The following ALDH1A2 variants were observed in gnomAD, a reference collection of about 807,000 sequenced individuals.
ALDH1A2 encodes the protein aldehyde dehydrogenase 1 family member A2.
ALDH1A2 carries 27 observed loss-of-function variants against 60.3 expected under a neutral mutation model. That is an observed-to-expected ratio of 0.45 (90% CI 0.33 to 0.62). The LOEUF (loss-of-function observed/expected upper bound fraction) is 0.62, where lower values mean the gene tolerates loss of function less well. Among genes scored for constraint, ALDH1A2 ranks in the 20% least tolerant of loss-of-function variants. ALDH1A2 has a pLI of 0.02. For missense variants in ALDH1A2, 581 were observed against 643.8 expected (o/e 0.90, Z 1.06); for synonymous variants, 289 against 232.4 (o/e 1.24, Z -2.21).
At chr15:57,983,364 T>C (rs1217005818) in intron 7 of ALDH1A2, among the ~76,000 whole-genome samples, 2 of 152,060 alleles carry the variant, frequency 1.3e-5, no homozygotes, top group Non-Finnish European at 2.9e-5. Context: ...ACAGCTAGCA[T>C]TCCTTTCCTC....
At position 58,004,882 on chromosome 15, in the gene ALDH1A2, C is replaced by T. The variant is rs186252973; in HGVS notation, c.493+5767G>A. On this transcript the variant is annotated intron_variant, in intron 4 of 12. Transcript: ENST00000249750. ...ACAAAATACTAATGAAAAAAATCAC[C>T]GATGACACAAATGGAAAAACACCCC... Among the ~76,000 whole-genome samples, 33 of 150,810 alleles carry T rather than the reference C, an allele frequency of 2.2e-4. No homozygotes were observed. The East Asian group carries it at 2.4e-3, about 11-fold the overall frequency.
chr15:58,044,898 G>A (rs1896600454), intron 1 of ALDH1A2, among the ~76,000 whole-genome samples: 1 of 151,926 alleles, frequency 6.6e-6, no homozygotes, highest in Non-Finnish European at 1.5e-5. Flanking sequence ...TGGCAACAAA[G>A]TGAGTCCTTT....
intron 1 of ALDH1A2, among the ~76,000 whole-genome samples, chr15:58,021,529 C>T (rs1895927770): frequency 6.6e-6 from 1 of 152,190 alleles, no homozygotes; most frequent in African/African-American, 2.4e-5. Context: ...CCTCAATCCT[C>T]CCAAGCCCCG....
chr15:57,999,447 A>G (rs1425932462), intron 4 of ALDH1A2, among the ~76,000 whole-genome samples: 1 of 152,156 alleles, frequency 6.6e-6, no homozygotes, highest in Non-Finnish European at 1.5e-5. Flanking sequence ...AAAGCTCATC[A>G]TCAATGATCA....
At chr15:57,998,250 A>G (rs549699333) in intron 4 of ALDH1A2, among the ~76,000 whole-genome samples, 1 of 152,122 alleles carries the variant, frequency 6.6e-6, no homozygotes, top group East Asian at 1.9e-4. Flanking sequence ...AGGAAGAGAG[A>G]AAGTAAAACT....
chr15:58,024,401 C>T (rs1190668062), intron 1 of ALDH1A2, among the ~76,000 whole-genome samples: 2 of 152,098 alleles, frequency 1.3e-5, no homozygotes, highest in African/African-American at 2.4e-5. Context: ...AGATATTCCA[C>T]TCACATGGAA....
intron 4 of ALDH1A2, among the ~76,000 whole-genome samples, chr15:58,005,876 A>T (rs1046893499): frequency 6.6e-6 from 1 of 151,926 alleles, no homozygotes; most frequent in Non-Finnish European, 1.5e-5. Flanking sequence ...CTATCTTGAG[A>T]AAAGTAGGCT....
chr15:57,987,686 C>T (rs1894750119), intron 7 of ALDH1A2, among the ~76,000 whole-genome samples: 1 of 152,022 alleles, frequency 6.6e-6, no homozygotes, highest in African/African-American at 2.4e-5. Flanking sequence ...CCAGACCATC[C>T]TGGCTAACAT....
chr15:57,957,517 A>G (rs1179298498), intron 12 of ALDH1A2, among the ~76,000 whole-genome samples: 3 of 152,164 alleles, frequency 2.0e-5, no homozygotes, highest in African/African-American at 7.2e-5. Flanking sequence ...TACTCCAGCT[A>G]AATTTTGTGG....
intron 1 of ALDH1A2, among the ~76,000 whole-genome samples, chr15:58,045,007 G>A (rs1174280542): frequency 6.6e-6 from 1 of 151,826 alleles, no homozygotes; most frequent in Non-Finnish European, 1.5e-5. Flanking sequence ...CTGCTCAAAG[G>A]GCTAATATCC....
At chr15:58,055,479 T>A in intron 1 of ALDH1A2, among the ~76,000 whole-genome samples, 1 of 151,496 alleles carries the variant, frequency 6.6e-6, no homozygotes, top group Non-Finnish European at 1.5e-5. Context: ...AAGTAGGGAG[T>A]TACACAGAAA....
chr15:57,989,669 T>TGCATCATGTAATGTTATATTCAG (rs58981530), intron 7 of ALDH1A2, among the ~76,000 whole-genome samples: 34 of 151,772 alleles, frequency 2.2e-4, no homozygotes, highest in African/African-American at 7.5e-4. Flanking sequence ...TATATGGAAA[T>TGCATCATGTAATGTTATATTCAG]GCATCATGTA....
intron 4 of ALDH1A2, among the ~76,000 whole-genome samples, chr15:57,998,874 T>G (rs1030542643): frequency 3.9e-5 from 6 of 151,954 alleles, no homozygotes; most frequent in African/African-American, 1.2e-4. Flanking sequence ...TGGAACAGAA[T>G]AGAGAAATCA....
chr15:58,048,665 T>C (rs1280771259), intron 1 of ALDH1A2, among the ~76,000 whole-genome samples: 3 of 151,988 alleles, frequency 2.0e-5, no homozygotes, highest in Admixed American at 1.3e-4. Context: ...AGTGTTCCAT[T>C]TGACTCAGGA....
intron 1 of ALDH1A2, among the ~76,000 whole-genome samples, chr15:58,023,091 A>G (rs1302615976): frequency 2.0e-5 from 3 of 152,364 alleles, no homozygotes; most frequent in East Asian, 3.8e-4. Context: ...AACATAAAAA[A>G]TCAGAAAAAT....
intron 6 of ALDH1A2, 45 bp downstream of exon 6, chr15:57,992,900 G>C (rs1566941276): frequency 6.2e-7 from 1 of 1,613,576 alleles, no homozygotes; most frequent in Admixed American, 1.7e-5. Flanking sequence ...GTAGGCTCCA[G>C]CTGTAAGGGG....
intron 1 of ALDH1A2, among the ~76,000 whole-genome samples, chr15:58,031,054 A>G (rs1278706506): frequency 2.0e-5 from 3 of 152,186 alleles, no homozygotes; most frequent in African/African-American, 7.2e-5. Flanking sequence ...ACCAAAAAAG[A>G]GCCCGCAAAG....
chr15:57,983,215 A>G (rs984767375), intron 7 of ALDH1A2, among the ~76,000 whole-genome samples: 17 of 152,224 alleles, frequency 1.1e-4, no homozygotes, highest in African/African-American at 4.1e-4. Context: ...CAAAATATGT[A>G]TCGAGCTTTT....
intron 7 of ALDH1A2, among the ~76,000 whole-genome samples, chr15:57,988,374 C>T (rs1292195760): frequency 2.0e-5 from 3 of 152,116 alleles, no homozygotes; most frequent in Admixed American, 1.3e-4. Flanking sequence ...TTATCTAACT[C>T]AACCAAAAGA....
Sources: allele counts gnomAD v4.1 joint callset (sites outside exome capture counted in the v4.1 genomes callset), GRCh38; gene constraint gnomAD v4.1.1; transcripts MANE v1.5; gene names NCBI Gene and HGNC (gene_info 2026-07-23, HGNC 2026-07-21).